The following DAB2 variants were observed in gnomAD, a reference collection of about 807,000 sequenced individuals.
DAB2 encodes the protein DAB adaptor protein 2.
Under a neutral mutation model 71.6 loss-of-function variants are expected in DAB2, and 28 were observed. That is an observed-to-expected ratio of 0.39 (90% CI 0.29 to 0.54). The LOEUF is 0.54. Among genes scored for constraint, DAB2 ranks in the 20% least tolerant of loss-of-function variants. DAB2 has a pLI of 0.68. For synonymous variants in DAB2, 345 were observed against 339.7 expected (o/e 1.02, Z -0.17); for missense variants, 867 against 928.8 (o/e 0.93, Z 0.86).
intron 1 of DAB2, among the ~76,000 whole-genome samples, chr5:39,410,281 G>T (rs1755693351): frequency 6.6e-6 from 1 of 152,018 alleles, no homozygotes; most frequent in Non-Finnish European, 1.5e-5. Context: ...TAACCATTTT[G>T]GTATTAACAA....
At chr5:39,421,556 C>T (rs936497024) in intron 1 of DAB2, among the ~76,000 whole-genome samples, 2 of 152,236 alleles carry the variant, frequency 1.3e-5, no homozygotes, top group Non-Finnish European at 1.5e-5. Flanking sequence ...CAATTGTGCC[C>T]TGTTGGAGGC....
At chr5:39,395,221 G>A (rs1755330993) in intron 1 of DAB2, among the ~76,000 whole-genome samples, 2 of 28,708 alleles carry the variant, frequency 7.0e-5, no homozygotes, top group Non-Finnish European at 1.6e-4. Context: ...CACTTCCCAG[G>A]AGCCAATGTT....
intron 1 of DAB2, among the ~76,000 whole-genome samples, chr5:39,403,403 C>A (rs2112084197): frequency 6.6e-6 from 1 of 152,130 alleles, no homozygotes; most frequent in Middle Eastern, 3.4e-3. Context: ...GGGGACTGAA[C>A]CAAGAATGCC....
chr5:39,379,935 T>G (rs182711841), intron 11 of DAB2, among the ~76,000 whole-genome samples: 1 of 152,342 alleles, frequency 6.6e-6, no homozygotes, highest in East Asian at 1.9e-4. Flanking sequence ...GCCAAAAAGC[T>G]TCACTTCGTC....
chr5:39,397,873 A>G (rs1471672666), intron 1 of DAB2, among the ~76,000 whole-genome samples: 1 of 152,236 alleles, frequency 6.6e-6, no homozygotes. Flanking sequence ...GCAACAATAT[A>G]TTCCAAAACA....
intron 6 of DAB2, among the ~76,000 whole-genome samples, chr5:39,389,533 CAG>C (rs767127388): frequency 4.6e-5 from 7 of 152,120 alleles, no homozygotes; most frequent in Non-Finnish European, 8.8e-5. Flanking sequence ...TTGTTTGAGA[CAG>C]AGTCTCGTTC....
At chr5:39,388,748 A>C (rs761195104) in intron 8 of DAB2, 51 bp downstream of exon 8, 7 of 1,440,884 alleles carry the variant, frequency 4.9e-6, no homozygotes, top group Non-Finnish European at 6.8e-6. Flanking sequence ...AGGAAGTAGA[A>C]CCCATGTTCA....
At chr5:39,375,146 T>TCGCAAC in intron 13 of DAB2, 62 bp from the exon 14 acceptor site, 1 of 1,235,298 alleles carries the variant, frequency 8.1e-7, no homozygotes, top group African/African-American at 1.5e-5. Context: ...AAAATCGCAA[T>TCGCAAC]GAAGACTTCC....
chr5:39,412,376 G>T (rs1014735920), intron 1 of DAB2, among the ~76,000 whole-genome samples: 2 of 152,152 alleles, frequency 1.3e-5, no homozygotes, highest in Non-Finnish European at 2.9e-5. Context: ...AACCAAGTTT[G>T]CCCCTGAATT....
chr5:39,405,126 C>T (rs1755584027), intron 1 of DAB2, among the ~76,000 whole-genome samples: 1 of 152,230 alleles, frequency 6.6e-6, no homozygotes, highest in Non-Finnish European at 1.5e-5. Context: ...TGTATGAACA[C>T]AGACATGCAG....
chr5:39,396,442 T>C (rs1448802368), intron 1 of DAB2, among the ~76,000 whole-genome samples: 3 of 152,190 alleles, frequency 2.0e-5, no homozygotes, highest in Non-Finnish European at 4.4e-5. Flanking sequence ...ATAATCTCCT[T>C]GAATGTAGGA....
intron 11 of DAB2, among the ~76,000 whole-genome samples, chr5:39,379,722 C>T (rs1169870962): frequency 6.6e-6 from 1 of 151,900 alleles, no homozygotes; most frequent in East Asian, 1.9e-4. Context: ...ACCCTCTCCC[C>T]ACCCCCCCAG....
chr5:39,416,560 A>G (rs924079990), intron 1 of DAB2, among the ~76,000 whole-genome samples: 3 of 152,088 alleles, frequency 2.0e-5, no homozygotes, highest in Admixed American at 6.5e-5. Context: ...TGTTTCCCCT[A>G]AACAGACACA....
intron 11 of DAB2, among the ~76,000 whole-genome samples, chr5:39,381,126 T>C (rs1754971046): frequency 6.6e-6 from 1 of 152,250 alleles, no homozygotes; most frequent in African/African-American, 2.4e-5. Context: ...GCCTCTCTTA[T>C]GTCAACCCTG....
chr5:39,385,472 A>T (rs1241322051), intron 9 of DAB2: 16 of 152,148 alleles, frequency 1.1e-4, no homozygotes, highest in Admixed American at 9.8e-4. Context: ...TGGGTTTGTT[A>T]TTAATCCAAG....
chr5:39,411,543 C>A (rs1214559729), intron 1 of DAB2, among the ~76,000 whole-genome samples: 1 of 152,144 alleles, frequency 6.6e-6, no homozygotes, highest in African/African-American at 2.4e-5. Context: ...GTCCTTGAAG[C>A]CTTGGAGGAT....
chr5:39,402,334 G>A (rs562886272), intron 1 of DAB2, among the ~76,000 whole-genome samples: 4 of 152,282 alleles, frequency 2.6e-5, no homozygotes, highest in South Asian at 4.1e-4. Flanking sequence ...CATTTCCACA[G>A]TAAGTGTTTA....
In DAB2 at chr5:39,373,066, T is replaced by C. The variant is rs1579894849; in HGVS notation, c.*365A>G. The C allele has an allele frequency of 6.6e-6, 1 of 152,012 alleles. No homozygotes were observed. Among genetic ancestry groups the C allele is most frequent in the African/African-American group, 2.4e-5 (1 of 41,394 alleles). The allele number at this position is 152,012 out of a possible 1,614,324, so 9.4% of individuals were successfully genotyped here. The stretch of plus-strand genomic sequence containing the variant: ...GGATTTGAAAATTTATTCAAAACAG[T>C]ATGATATGAAGGGATGTGGTGGCTG... On this transcript the variant is annotated 3_prime_UTR_variant, in exon 15 of 15. Coordinates refer to ENST00000320816, the MANE Select transcript of DAB2 (RefSeq NM_001343.4).
intron 1 of DAB2, chr5:39,418,438 A>G (rs565026026): frequency 6.6e-6 from 1 of 152,292 alleles, no homozygotes; most frequent in South Asian, 2.1e-4. Context: ...CTTAAAATAT[A>G]AAAAAATAAG....
Sources: gnomAD v4.1 joint callset for allele counts (sites outside exome capture counted in the v4.1 genomes callset) on GRCh38, gnomAD v4.1.1 for gene constraint, MANE v1.5 for transcripts, NCBI Gene and HGNC (gene_info 2026-07-23, HGNC 2026-07-21) for gene names.